Variants in S100Z observed in about 807,000 individuals in gnomAD.
S100Z encodes the protein S100 calcium binding protein Z, also known as protein S100-Z.
Under a neutral mutation model 8.5 loss-of-function variants are expected in S100Z, and 11 were observed. That is an observed-to-expected ratio of 1.30 (90% CI 0.82 to 2.15). The LOEUF (loss-of-function observed/expected upper bound fraction) is 2.15. S100Z is among the 30% of genes most tolerant of loss of function. The pLI, the probability that S100Z is intolerant of heterozygous loss-of-function variation, is 0.00. For synonymous variants in S100Z, 34 were observed against 43.8 expected, an observed-to-expected ratio of 0.78 and a Z score of 0.89; for missense variants, 126 against 117.9, an observed-to-expected ratio of 1.07 and a Z score of -0.32.
the S100Z span, among the ~76,000 whole-genome samples, chr5:76,937,917 G>A: frequency 6.6e-6 from 1 of 151,900 alleles, no homozygotes; most frequent in Non-Finnish European, 1.5e-5. Flanking sequence ...GGGCCAACAT[G>A]GTGAAACCCT....
chr5:76,907,213 C>T (rs4704376), intron 4 of S100Z, among the ~76,000 whole-genome samples: 9 of 151,564 alleles, frequency 5.9e-5, no homozygotes, highest in South Asian at 4.2e-4. Flanking sequence ...TATATGTGTG[C>T]GTCTATTTTG....
chr5:76,882,014 G>A (rs1426397226), intron 4 of S100Z, among the ~76,000 whole-genome samples: 1 of 152,162 alleles, frequency 6.6e-6, no homozygotes, highest in Non-Finnish European at 1.5e-5. Context: ...GGTGGTGCAG[G>A]ATATGGAAGG....
the S100Z span, among the ~76,000 whole-genome samples, chr5:76,949,397 AAT>A: frequency 0.011 from 1,624 of 152,278 alleles, 32 homozygotes; most frequent in African/African-American, 0.037. Context: ...TCAAAAAAAA[AAT>A]AATGAAAAAA....
intron 4 of S100Z, among the ~76,000 whole-genome samples, chr5:76,889,301 A>G (rs1743773970): frequency 6.6e-6 from 1 of 152,184 alleles, no homozygotes; most frequent in Non-Finnish European, 1.5e-5. Context: ...ATTCAACGTA[A>G]GACAAGAGCC....
At chr5:76,879,306 T>C (rs1335640099) in intron 4 of S100Z, among the ~76,000 whole-genome samples, 1 of 152,198 alleles carries the variant, frequency 6.6e-6, no homozygotes, top group African/African-American at 2.4e-5. Context: ...GAGGAGCCTC[T>C]GCACAGCCTT....
intron 1 of S100Z, among the ~76,000 whole-genome samples, chr5:76,869,845 C>T (rs1444019719): frequency 1.3e-5 from 2 of 151,972 alleles, no homozygotes; most frequent in Non-Finnish European, 2.9e-5. Flanking sequence ...ATGGTGAAAC[C>T]CCATCTATAC....
At chr5:76,942,992 A>C in the S100Z span, among the ~76,000 whole-genome samples, 5 of 152,218 alleles carry the variant, frequency 3.3e-5, no homozygotes, top group African/African-American at 1.2e-4. Context: ...GATATTGTGA[A>C]GTATTCAGTG....
At chr5:76,951,697 A>AGG in the S100Z span, among the ~76,000 whole-genome samples, 2 of 152,146 alleles carry the variant, frequency 1.3e-5, no homozygotes, top group Non-Finnish European at 2.9e-5. Flanking sequence ...CCTTTTCAAA[A>AGG]TTCAGGCATC....
intron 4 of S100Z, among the ~76,000 whole-genome samples, chr5:76,914,207 T>C (rs944944630): frequency 5.9e-5 from 9 of 152,016 alleles, no homozygotes; most frequent in African/African-American, 1.9e-4. Flanking sequence ...GCTAAAGCGG[T>C]CATCGGCCAA....
At chr5:76,865,629 A>G (rs1751247462) in intron 1 of S100Z, among the ~76,000 whole-genome samples, 1 of 152,050 alleles carries the variant, frequency 6.6e-6, no homozygotes, top group Non-Finnish European at 1.5e-5. Flanking sequence ...AAAAATATAA[A>G]GAAAAAATTG....
chr5:76,923,422 C>A (rs547116948), downstream of S100Z, among the ~76,000 whole-genome samples: 1 of 152,318 alleles, frequency 6.6e-6, no homozygotes, highest in South Asian at 2.1e-4. Context: ...AAGAGTATTT[C>A]ACAGGTGGTG....
chr5:76,884,239 T>C (rs1322829185), intron 4 of S100Z, among the ~76,000 whole-genome samples: 1 of 152,210 alleles, frequency 6.6e-6, no homozygotes. Context: ...TCGGGTAGTT[T>C]CTTTAAGTTT....
intron 4 of S100Z, among the ~76,000 whole-genome samples, chr5:76,895,741 T>G (rs1744010403): frequency 6.6e-6 from 1 of 150,730 alleles, no homozygotes; most frequent in African/African-American, 2.4e-5. Context: ...TTTTTTGCTT[T>G]CCCTTTCTTT....
the S100Z span, among the ~76,000 whole-genome samples, chr5:76,950,201 G>C: frequency 7.2e-5 from 11 of 152,178 alleles, no homozygotes; most frequent in Admixed American, 2.0e-4. Context: ...GATGTTCTAA[G>C]TTGACGTGAT....
intron 4 of S100Z, among the ~76,000 whole-genome samples, chr5:76,886,311 G>C (rs1488168785): frequency 6.6e-6 from 1 of 152,144 alleles, no homozygotes; most frequent in Non-Finnish European, 1.5e-5. Flanking sequence ...TGTCTCCTTT[G>C]TCTCTACCAG....
chr5:76,916,413 A>G (rs576422600), intron 4 of S100Z, among the ~76,000 whole-genome samples: 4 of 152,264 alleles, frequency 2.6e-5, no homozygotes, highest in Admixed American at 2.6e-4. Context: ...GACATAGAAG[A>G]AATAACATGA....
At chr5:76,890,212 T>C (rs866285766) in intron 4 of S100Z, among the ~76,000 whole-genome samples, 19 of 152,050 alleles carry the variant, frequency 1.2e-4, no homozygotes, top group African/African-American at 4.3e-4. Context: ...TTAGTAGAGA[T>C]GGGGTTTCAC....
chr5:76,851,084 C>T (rs997972742), intron 1 of S100Z, among the ~76,000 whole-genome samples: 10 of 152,314 alleles, frequency 6.6e-5, no homozygotes, highest in Admixed American at 1.3e-4. Flanking sequence ...AACCCAGTGC[C>T]GGTGCAGGTC....
chr5:76,927,832 T>A, the S100Z span, among the ~76,000 whole-genome samples: 2 of 152,132 alleles, frequency 1.3e-5, no homozygotes, highest in African/African-American at 4.8e-5. Context: ...AAGGTTAGTA[T>A]CCTCATTTCG....
Sources: allele counts gnomAD v4.1 joint callset (sites outside exome capture counted in the v4.1 genomes callset), GRCh38; gene constraint gnomAD v4.1.1; transcripts MANE v1.5; gene names NCBI Gene and HGNC (gene_info 2026-07-23, HGNC 2026-07-21).